KDM7A: variants seen among roughly 807,000 people sequenced by gnomAD.
KDM7A encodes lysine demethylase 7A.
In KDM7A, 28 loss-of-function variants were observed where a neutral mutation model predicts 114.8. That is an observed-to-expected ratio of 0.24 (90% CI 0.18 to 0.33). KDM7A has a LOEUF of 0.33. Ranked by LOEUF, KDM7A falls within the 10% of genes least tolerant of loss-of-function variation. KDM7A has a pLI of 1.00. For missense variants in KDM7A, 942 were observed against 1,142.5 expected (o/e 0.82, Z 2.53); for synonymous variants, 423 against 397.8 (o/e 1.06, Z -0.75).
intron 9 of KDM7A, among the ~76,000 whole-genome samples, chr7:140,115,903 A>G (rs536614755): frequency 1.1e-4 from 16 of 151,582 alleles, no homozygotes; most frequent in African/African-American, 3.9e-4. Context: ...ATAAAAAAAA[A>G]AGGCTTATAC....
At chr7:140,163,533 C>T (rs1274810995) in intron 1 of KDM7A, among the ~76,000 whole-genome samples, 2 of 151,102 alleles carry the variant, frequency 1.3e-5, no homozygotes, top group African/African-American at 2.4e-5. Flanking sequence ...CCTCCTGCCT[C>T]GGTCTCCCAA....
chr7:140,114,912 A>C (rs1818495636), intron 9 of KDM7A, among the ~76,000 whole-genome samples: 1 of 145,246 alleles, frequency 6.9e-6, no homozygotes, highest in Non-Finnish European at 1.5e-5. Context: ...CCCGTCTGAG[A>C]AGTGAGGAGC....
At position 140,096,687 on chromosome 7, in the gene KDM7A, T is replaced by C; in HGVS notation, c.2242A>G (p.Thr748Ala). The change falls in exon 17 of 20, where the codon ACG becomes GCG. Residue 748 changes from threonine to alanine, a missense_variant. By Grantham distance (58) the Thr-to-Ala change is moderately conservative. Transcript: ENST00000397560. ...CTTTGTATTTGCCTTTGTAAACACG[T>C]GGAATAGTGCAACCCTGCCATAGAC... ...MLSMAGLHYS[T>A]CLQRQIQSTD... 1 of 1,614,158 alleles carries C rather than the reference T, an allele frequency of 6.2e-7. No individual in the cohort carries two copies.
At chr7:140,131,551 A>C (rs1818787118) in intron 3 of KDM7A, among the ~76,000 whole-genome samples, 1 of 152,174 alleles carries the variant, frequency 6.6e-6, no homozygotes, top group Non-Finnish European at 1.5e-5. Context: ...AAGAAAACTG[A>C]GAGTCCTTTC....
chr7:140,110,279 T>A (rs1315141181), intron 11 of KDM7A, among the ~76,000 whole-genome samples: 1 of 152,204 alleles, frequency 6.6e-6, no homozygotes, highest in Non-Finnish European at 1.5e-5. Context: ...ACATATATAT[T>A]TAAGATTAGA....
At chr7:140,165,272 C>G (rs1794561481) in intron 1 of KDM7A, among the ~76,000 whole-genome samples, 1 of 152,160 alleles carries the variant, frequency 6.6e-6, no homozygotes, top group Non-Finnish European at 1.5e-5. Flanking sequence ...ATTCTAAAAA[C>G]TACCAGAGCC....
At chr7:140,113,349 T>G in intron 10 of KDM7A, 142 bp downstream of exon 10, 1 of 475,174 alleles carries the variant, frequency 2.1e-6, no homozygotes, top group Non-Finnish European at 3.8e-6. Flanking sequence ...TACTGAATAA[T>G]AAAATGCAGG....
At chr7:140,096,240 A>G (rs62491379) in intron 17 of KDM7A, among the ~76,000 whole-genome samples, 4,439 of 152,264 alleles carry the variant, frequency 0.029, 96 homozygotes, top group South Asian at 0.057. Flanking sequence ...TTAGTTGGCC[A>G]TTTAAGGCAC....
chr7:140,133,440 G>C, intron 3 of KDM7A, 99 bp downstream of exon 3: 1 of 673,148 alleles, frequency 1.5e-6, no homozygotes. Flanking sequence ...ATAATGGGTT[G>C]CAGCCTAAGT....
intron 1 of KDM7A, among the ~76,000 whole-genome samples, chr7:140,165,522 A>G (rs1219372815): frequency 6.6e-6 from 1 of 152,190 alleles, no homozygotes; most frequent in Non-Finnish European, 1.5e-5. Flanking sequence ...GTCCAAAAAT[A>G]TTAAATGAAA....
At chr7:140,167,425 CAG>C (rs1794591092) in intron 1 of KDM7A, among the ~76,000 whole-genome samples, 1 of 152,088 alleles carries the variant, frequency 6.6e-6, no homozygotes, top group African/African-American at 2.4e-5. Context: ...TGGAATAAAA[CAG>C]AAAGTGCTGA....
At chr7:140,160,035 C>CATTTTAG (rs1158489976) in intron 1 of KDM7A, among the ~76,000 whole-genome samples, 1 of 150,540 alleles carries the variant, frequency 6.6e-6, no homozygotes, top group Admixed American at 6.6e-5. Context: ...TATAGGTACA[C>CATTTTAG]ATTTTAGATA....
intron 4 of KDM7A, 139 bp from the exon 5 acceptor site, chr7:140,127,722 C>T: frequency 2.6e-6 from 2 of 765,810 alleles, no homozygotes; most frequent in Admixed American, 4.9e-5. Flanking sequence ...TTTCCCTATA[C>T]TCTTAATTTC....
chr7:140,144,247 T>C (rs543549222), intron 1 of KDM7A, among the ~76,000 whole-genome samples: 1 of 152,318 alleles, frequency 6.6e-6, no homozygotes, highest in South Asian at 2.1e-4. Context: ...GCCAAGATCA[T>C]TCAAAGGGGA....
intron 1 of KDM7A, among the ~76,000 whole-genome samples, chr7:140,147,551 A>C (rs1794351856): frequency 6.6e-6 from 1 of 152,124 alleles, no homozygotes; most frequent in Admixed American, 6.6e-5. Context: ...CATCCAAAGC[A>C]CCCAACTACT....
intron 11 of KDM7A, among the ~76,000 whole-genome samples, chr7:140,110,503 T>C (rs750562907): frequency 6.6e-6 from 1 of 152,154 alleles, no homozygotes; most frequent in Non-Finnish European, 1.5e-5. Flanking sequence ...CTGGCCTCCA[T>C]TCCTCCACCT....
At chr7:140,120,356 A>T in intron 8 of KDM7A, 86 bp downstream of exon 8, 1 of 738,234 alleles carries the variant, frequency 1.4e-6, no homozygotes, top group Non-Finnish European at 2.4e-6. Flanking sequence ...CAAATAAAAT[A>T]AGCTATTGAT....
intron 1 of KDM7A, among the ~76,000 whole-genome samples, chr7:140,145,572 T>A (rs577602784): frequency 1.3e-5 from 2 of 152,342 alleles, no homozygotes; most frequent in East Asian, 3.9e-4. Context: ...ATGAGAGCTA[T>A]CTCTGCATTC....
At position 140,086,363 on chromosome 7, in the gene KDM7A, A is replaced by C. The variant is rs1436455562; in HGVS notation, c.*4731T>G. ...AGGGGAGAACCTAAGGATATTGCAA[A>C]AGAGTATTATTTTCTCCTCTCAGTT... On this transcript the variant is annotated 3_prime_UTR_variant, in exon 20 of 20. Coordinates refer to ENST00000397560, the MANE Select transcript of KDM7A (RefSeq NM_030647.2). 6.6e-6 allele frequency: 1 copy of C among 152,216 alleles called. No individual in the cohort carries two copies. 9.4% of individuals were successfully genotyped at this position (152,216 alleles called of 1,614,324 possible).
Sources: allele counts gnomAD v4.1 joint callset (sites outside exome capture counted in the v4.1 genomes callset), GRCh38; gene constraint gnomAD v4.1.1; transcripts MANE v1.5; gene names NCBI Gene and HGNC (gene_info 2026-07-23, HGNC 2026-07-21).